Variants in DRICH1 observed in about 807,000 individuals in gnomAD.
The protein encoded by DRICH1 is aspartate-rich protein 1.
Under a neutral mutation model 39.5 loss-of-function variants are expected in DRICH1, and 38 were observed. The observed-to-expected ratio is 0.96, with a 90% confidence interval of 0.74 to 1.26. DRICH1 has a LOEUF of 1.26. DRICH1 is among the 50% of genes most tolerant of loss of function. DRICH1 has a pLI of 0.00. For missense variants in DRICH1, 279 were observed against 270.4 expected, an observed-to-expected ratio of 1.03 and a Z score of -0.22; for synonymous variants, 84 against 99.5, an observed-to-expected ratio of 0.84 and a Z score of 0.93.
chr22:23,626,039 T>C lies in DRICH1; in HGVS notation c.218A>G (p.Glu73Gly). ...SNQKMPTGPP[E>G]DRLSLKFLPS... ...CAGAAATTTTAAACTCAGGCGGTCCTCAGGGGGACCTAAAAGGACACAGAG... is the reference window on the plus strand; with the variant it reads ...CAGAAATTTTAAACTCAGGCGGTCCCCAGGGGGACCTAAAAGGACACAGAG... Residue 73 changes from glutamate to glycine, a missense_variant, in exon 2 of 12, where the codon GAG (glutamate) becomes GGG (glycine). Coordinates refer to ENST00000317749, the MANE Select transcript of DRICH1 (RefSeq NM_016449.4). 1 of 1,612,236 alleles carries C rather than the reference T, an allele frequency of 6.2e-7. No homozygotes were observed. The highest frequency in any genetic ancestry group is 8.5e-7 in the Non-Finnish European group (1 of 1,178,676).
intron 10 of DRICH1, 71 bp downstream of exon 10, chr22:23,613,568 G>A: frequency 8.2e-7 from 1 of 1,224,960 alleles, no homozygotes; most frequent in African/African-American, 1.5e-5. Context: ...CAGGACCCCA[G>A]AATCAGGTTT....
At chr22:23,623,059 C>T (rs1180150644) in intron 3 of DRICH1, among the ~76,000 whole-genome samples, 1 of 152,190 alleles carries the variant, frequency 6.6e-6, no homozygotes, top group Non-Finnish European at 1.5e-5. Flanking sequence ...AACTAGCTTA[C>T]ATAAATTTTT....
intron 1 of DRICH1, among the ~76,000 whole-genome samples, chr22:23,629,114 C>T (rs1187330358): frequency 6.6e-6 from 1 of 152,198 alleles, no homozygotes; most frequent in Non-Finnish European, 1.5e-5. Context: ...TCTCAGCTCA[C>T]TGCAACCTCT....
At chr22:23,617,717 G>A in intron 6 of DRICH1, 60 bp from the exon 7 acceptor site, 1 of 1,543,786 alleles carries the variant, frequency 6.5e-7, no homozygotes, top group Non-Finnish European at 9.0e-7. Context: ...AGTCACTCAG[G>A]GAGCTTTGCT....
chr22:23,586,606 G>A, the DRICH1 span, among the ~76,000 whole-genome samples: 3 of 152,182 alleles, frequency 2.0e-5, no homozygotes, highest in Non-Finnish European at 4.4e-5. Context: ...TGCAATGGCA[G>A]AATCTCGGCT....
chr22:23,595,612 T>A, the DRICH1 span, among the ~76,000 whole-genome samples: 1 of 152,228 alleles, frequency 6.6e-6, no homozygotes, highest in African/African-American at 2.4e-5. Flanking sequence ...GGTGGCTTCA[T>A]AAATCAATAA....
the DRICH1 span, among the ~76,000 whole-genome samples, chr22:23,597,068 TA>T: frequency 6.7e-5 from 10 of 148,454 alleles, no homozygotes; most frequent in Non-Finnish European, 1.3e-4. Flanking sequence ...CTTGATGAAG[TA>T]ACTTATTTAT....
intron 3 of DRICH1, chr22:23,624,305 G>T: frequency 2.0e-6 from 2 of 985,150 alleles, no homozygotes; most frequent in Non-Finnish European, 2.4e-6. Context: ...AAAAGAGCAG[G>T]TGTTCTCAGA....
chr22:23,592,059 T>G, the DRICH1 span, among the ~76,000 whole-genome samples: 1 of 152,172 alleles, frequency 6.6e-6, no homozygotes, highest in East Asian at 1.9e-4. Context: ...CCGAGGCACG[T>G]CCTTCCCTCC....
At chr22:23,603,724 C>T (rs1046686188), downstream of DRICH1, among the ~76,000 whole-genome samples, 20 of 152,138 alleles carry the variant, frequency 1.3e-4, no homozygotes, top group Non-Finnish European at 8.8e-5. Flanking sequence ...GGACCCCCTC[C>T]CCCTTTATTG....
chr22:23,590,278 A>AT, the DRICH1 span, among the ~76,000 whole-genome samples: 29,441 of 137,502 alleles, frequency 0.21, 3,290 homozygotes, highest in Non-Finnish European at 0.26. Context: ...CAGCCCTTTG[A>AT]TTTTTTTTTT....
At chr22:23,608,866 G>A in intron 11 of DRICH1, 98 bp from the exon 12 acceptor site, 1 of 1,317,824 alleles carries the variant, frequency 7.6e-7, no homozygotes, top group Non-Finnish European at 1.1e-6. Flanking sequence ...AGCATCCCTG[G>A]GCTCCCGCCT....
At chr22:23,613,600 T>C (rs1428167601) in intron 10 of DRICH1, 39 bp downstream of exon 10, 9 of 1,557,326 alleles carry the variant, frequency 5.8e-6, no homozygotes, top group Non-Finnish European at 8.0e-6. Context: ...AGCTAGCAAG[T>C]TTTTTCCCTC....
the DRICH1 span, among the ~76,000 whole-genome samples, chr22:23,582,864 TATC>T: frequency 4.6e-5 from 7 of 152,180 alleles, no homozygotes; most frequent in African/African-American, 1.7e-4. Flanking sequence ...CCCGGCCAAT[TATC>T]ATATTATTAT....
rs147622450 is a variant in DRICH1, at chr22:23,624,288, C to G, written c.298+595G>C. On this transcript the variant is annotated intron_variant, in intron 3 of 11. Coordinates refer to ENST00000317749, the MANE Select transcript of DRICH1 (RefSeq NM_016449.4). Reference sequence around the variant, plus strand: ...CAGGCTCTGAGATTTTGCAGTGGCACAGGCAGAAAAGAGCAGGTGTTCTCA... The same window carrying G: ...CAGGCTCTGAGATTTTGCAGTGGCAGAGGCAGAAAAGAGCAGGTGTTCTCA... 3.3e-5 allele frequency: 33 copies of G among 985,242 alleles called. No homozygotes were observed. In the East Asian group the frequency reaches 3.4e-4, roughly 10 times the overall value. The allele number at this position is 985,242 out of a possible 1,614,324, so 61.0% of individuals were successfully genotyped here. A position where few individuals can be genotyped will look rare whatever the true frequency, so the allele number is the denominator to read the frequency against.
chr22:23,627,767 G>C (rs1302891239), intron 1 of DRICH1, among the ~76,000 whole-genome samples: 1 of 152,182 alleles, frequency 6.6e-6, no homozygotes, highest in African/African-American at 2.4e-5. Context: ...CATCTCCAGG[G>C]ACCCTGACTC....
At chr22:23,605,823 G>A (rs1926695811), downstream of DRICH1, among the ~76,000 whole-genome samples, 1 of 152,128 alleles carries the variant, frequency 6.6e-6, no homozygotes, top group African/African-American at 2.4e-5. Context: ...GCTCATGCCT[G>A]TAATCCCAGC....
chr22:23,604,758 C>T (rs755244689), downstream of DRICH1, among the ~76,000 whole-genome samples: 6 of 152,210 alleles, frequency 3.9e-5, no homozygotes, highest in Non-Finnish European at 5.9e-5. Flanking sequence ...CAGAGGTGCA[C>T]ATGTCAGCTC....
intron 1 of DRICH1, among the ~76,000 whole-genome samples, chr22:23,626,976 T>C (rs1181320669): frequency 1.3e-5 from 2 of 151,912 alleles, no homozygotes; most frequent in African/African-American, 4.8e-5. Flanking sequence ...ACAGCAGATG[T>C]GAAAGAGCAT....
Sources: gnomAD v4.1 joint callset for allele counts (sites outside exome capture counted in the v4.1 genomes callset) on GRCh38, gnomAD v4.1.1 for gene constraint, MANE v1.5 for transcripts, NCBI Gene and HGNC (gene_info 2026-07-23, HGNC 2026-07-21) for gene names.